Variants in YBEY observed in about 807,000 individuals in gnomAD.
The protein encoded by YBEY is endoribonuclease YbeY.
A neutral mutation model predicts 13.5 loss-of-function variants in YBEY; 15 were observed. The ratio of observed to expected loss-of-function variants is 1.11; its 90% CI spans 0.75 to 1.72. YBEY has a LOEUF of 1.72. Among genes scored for constraint, YBEY ranks in the 40% most tolerant of loss-of-function variants. The pLI, the probability that YBEY is intolerant of heterozygous loss-of-function variation, is 0.00. For missense variants in YBEY, 244 were observed against 208.4 expected, an observed-to-expected ratio of 1.17 and a Z score of -1.05; for synonymous variants, 101 against 83.1, an observed-to-expected ratio of 1.21 and a Z score of -1.17.
intron 3 of YBEY, chr21:46,291,968 TC>T: frequency 1.9e-6 from 1 of 515,954 alleles, no homozygotes; most frequent in Non-Finnish European, 2.5e-6. Context: ...CAACTCAATC[TC>T]CCAGAGAACT....
Position 46,297,695 on chromosome 21 carries a change from C to A in YBEY, c.*61C>A. The A allele has an allele frequency of 2.4e-6, 3 of 1,269,628 alleles. No individual in the cohort carries two copies. The South Asian group carries it at 9.1e-5, about 39-fold the overall frequency. The allele number at this position is 1,269,628 out of a possible 1,614,324, so 78.6% of individuals were successfully genotyped here. On this transcript the variant is annotated 3_prime_UTR_variant, in exon 5 of 5. Coordinates refer to ENST00000397701, the MANE Select transcript of YBEY (RefSeq NM_001314025.2). ...GGTGGAGGCTGCGGGGAGCCGGGGT[C>A]GCACACGAATAAATAACGAATGAAC...
At chr21:46,298,434 C>CTTTTTTTTTTTTTTTT (rs557264546), downstream of YBEY, among the ~76,000 whole-genome samples, 3,795 of 96,620 alleles carry the variant, frequency 0.039, 1,033 homozygotes, top group Non-Finnish European at 0.065. Flanking sequence ...TTAATCCAAG[C>CTTTTTTTTTTTTTTTT]TTTTTTTTTT....
the YBEY span, among the ~76,000 whole-genome samples, chr21:46,309,744 C>A: frequency 6.6e-6 from 1 of 152,156 alleles, no homozygotes; most frequent in Non-Finnish European, 1.5e-5. Flanking sequence ...CGCCTATAAT[C>A]CCAGCACTTT....
At chr21:46,308,656 T>C in the YBEY span, among the ~76,000 whole-genome samples, 2 of 151,906 alleles carry the variant, frequency 1.3e-5, no homozygotes, top group East Asian at 3.9e-4. Context: ...GTGGCAGTAT[T>C]GAGAGGTGGG....
chr21:46,286,806 C>A, intron 1 of YBEY, 64 bp from the exon 2 acceptor site: 1 of 940,622 alleles, frequency 1.1e-6, no homozygotes, highest in Non-Finnish European at 1.6e-6. Context: ...GCGCGTGCAT[C>A]TGTATTTTTA....
chr21:46,301,399 A>C (rs2082101961), downstream of YBEY: 1 of 829,980 alleles, frequency 1.2e-6, no homozygotes, highest in Admixed American at 6.2e-5. Context: ...CTCCTGCCTC[A>C]GCCTCTTAAA....
downstream of YBEY, chr21:46,300,441 C>T (rs2082074864): frequency 4.8e-6 from 1 of 207,568 alleles, no homozygotes; most frequent in East Asian, 1.4e-4. Flanking sequence ...CAAAAAAAAA[C>T]ATTTTTAATA....
the YBEY span, among the ~76,000 whole-genome samples, chr21:46,310,506 AAAAC>A: frequency 1.4e-5 from 2 of 146,666 alleles, no homozygotes; most frequent in African/African-American, 4.9e-5. Flanking sequence ...ATAAAAAAAA[AAAAC>A]AAAACTTGTC....
At position 46,291,355 on chromosome 21, in the gene YBEY, C is replaced by T. The variant is rs779801980; in HGVS notation, c.232C>T (p.Pro78Ser). The T allele has an allele frequency of 1.6e-5, 26 of 1,614,022 alleles. 1 individual carries two copies. The South Asian group carries it at 2.9e-4, about 18-fold the overall frequency. The stretch of plus-strand genomic sequence containing the variant: ...TTAGCATCTGAAAGCAGGTGAATTT[C>T]CCCAGCCTGATTTTCCAGATGACTA... ...FHEHLKAGEF[P>S]QPDFPDDYNL... is the part of the protein sequence containing the mutation. Residue 78 changes from proline to serine, a missense_variant, in exon 3 of 5, where the codon CCC becomes TCC. Pro to Ser is a moderately conservative substitution (Grantham distance 74). Transcript: ENST00000397701.
chr21:46,304,533 A>G, the YBEY span, among the ~76,000 whole-genome samples: 15 of 152,032 alleles, frequency 9.9e-5, 1 homozygote, highest in East Asian at 1.9e-3. Flanking sequence ...GCCAATAAAT[A>G]TATGAAAAAG....
the YBEY span, among the ~76,000 whole-genome samples, chr21:46,303,037 G>C: frequency 6.6e-6 from 1 of 152,138 alleles, no homozygotes; most frequent in Admixed American, 6.5e-5. Context: ...GGTGGTTCAA[G>C]CCTGTAATCC....
At chr21:46,304,924 A>T in the YBEY span, among the ~76,000 whole-genome samples, 1 of 152,236 alleles carries the variant, frequency 6.6e-6, no homozygotes, top group Non-Finnish European at 1.5e-5. Context: ...CCTTGAGGAC[A>T]TCACACTAAG....
the YBEY span, chr21:46,312,866 A>T: frequency 2.5e-6 from 1 of 401,686 alleles, no homozygotes; most frequent in Non-Finnish European, 3.4e-6. Flanking sequence ...CAACTTGGTT[A>T]ATTACTGTCC....
At chr21:46,309,633 TA>T in the YBEY span, among the ~76,000 whole-genome samples, 1 of 152,062 alleles carries the variant, frequency 6.6e-6, no homozygotes, top group Admixed American at 6.6e-5. Flanking sequence ...TGATGAATCT[TA>T]AAACAGTCAT....
At chr21:46,304,419 G>C in the YBEY span, among the ~76,000 whole-genome samples, 1 of 151,692 alleles carries the variant, frequency 6.6e-6, no homozygotes, top group East Asian at 1.9e-4. Flanking sequence ...CCCAGAAGTT[G>C]AGGCTGCAGC....
chr21:46,292,393 T>C (rs2081753269), intron 3 of YBEY, among the ~76,000 whole-genome samples: 1 of 152,192 alleles, frequency 6.6e-6, no homozygotes, highest in African/African-American at 2.4e-5. Context: ...ATCCTAATCT[T>C]GTGGCCCTTC....
chr21:46,286,857 A>T lies in YBEY; in HGVS notation c.-44-13A>T. On this transcript the variant is annotated splice_polypyrimidine_tract_variant and intron_variant, in intron 1 of 4. Coordinates refer to ENST00000397701, the MANE Select transcript of YBEY (RefSeq NM_001314025.2). ...CTTGTACTGATTGGTCTTCTCTTAC[A>T]CTTTAACCCCAGGTTCCGTTGCAAA... 1 of 1,557,194 alleles carries T rather than the reference A, an allele frequency of 6.4e-7. No individual in the cohort carries two copies. Among genetic ancestry groups the T allele is most frequent in the Non-Finnish European group, 8.8e-7 (1 of 1,132,522 alleles).
intron 4 of YBEY, 71 bp downstream of exon 4, chr21:46,296,301 C>A: frequency 6.4e-7 from 1 of 1,565,402 alleles, no homozygotes; most frequent in East Asian, 2.3e-5. Flanking sequence ...CCCCTGCCAG[C>A]CCCCACCCTC....
the YBEY span, among the ~76,000 whole-genome samples, chr21:46,310,439 A>G: frequency 6.6e-6 from 1 of 151,438 alleles, no homozygotes; most frequent in Non-Finnish European, 1.5e-5. Context: ...AGATGGCGCC[A>G]TTGCACTCCT....
Sources: gnomAD v4.1 joint callset for allele counts (sites outside exome capture counted in the v4.1 genomes callset) on GRCh38, gnomAD v4.1.1 for gene constraint, MANE v1.5 for transcripts, NCBI Gene and HGNC (gene_info 2026-07-23, HGNC 2026-07-21) for gene names.